IL6R: variants seen among roughly 807,000 people sequenced by gnomAD.
IL6R encodes interleukin-6 receptor subunit alpha.
IL6R carries 38 observed loss-of-function variants against 48.3 expected under a neutral mutation model. That is an observed-to-expected ratio of 0.79 (90% CI 0.61 to 1.03). The LOEUF (loss-of-function observed/expected upper bound fraction) is 1.03, where lower values mean the gene tolerates loss of function less well. Ranked by LOEUF, IL6R falls within the 50% of genes least tolerant of loss-of-function variation. The pLI is 0.00. For synonymous variants in IL6R, 264 were observed against 256.2 expected, an observed-to-expected ratio of 1.03 and a Z score of -0.29; for missense variants, 534 against 618.3, an observed-to-expected ratio of 0.86 and a Z score of 1.45.
At chr1:154,407,327 C>T (rs552966956) in intron 1 of IL6R, among the ~76,000 whole-genome samples, 2 of 152,312 alleles carry the variant, frequency 1.3e-5, no homozygotes, top group East Asian at 3.9e-4. Flanking sequence ...TAGTTGCCAC[C>T]ACCTGTTGCT....
intron 1 of IL6R, among the ~76,000 whole-genome samples, chr1:154,428,577 C>T (rs902648769): frequency 5.3e-5 from 8 of 152,238 alleles, no homozygotes; most frequent in Non-Finnish European, 1.2e-4. Flanking sequence ...ATGGGCCAGG[C>T]AACGTCCCGG....
chr1:154,461,308 C>T (rs1691248761), intron 9 of IL6R, among the ~76,000 whole-genome samples: 1 of 152,168 alleles, frequency 6.6e-6, no homozygotes, highest in Admixed American at 6.6e-5. Flanking sequence ...TGCGGGCAGG[C>T]CTGGATAATA....
rs1553309680 is a variant in IL6R at position 154,447,504 on chromosome 1, T to TATATATACACATAC, written c.950-614_950-613insCACATACATATATA. Among the ~76,000 whole-genome samples the TATATATACACATAC allele has an allele frequency of 8.2e-3, 714 of 87,334 alleles. 52 individuals are homozygous for TATATATACACATAC. The highest frequency in any genetic ancestry group is 0.039 in the African/African-American group (682 of 17,416). The allele number at this position is 87,334 out of a possible 152,430, so 57.3% of individuals were successfully genotyped here. On this transcript the variant is annotated intron_variant, in intron 6 of 9. Transcript: ENST00000368485. ...ACACACACACACACACACACACACA[T>TATATATACACATAC]ATATATATACACACATACATATATA...
chr1:154,414,535 G>A, intron 1 of IL6R: 1 of 775,598 alleles, frequency 1.3e-6, no homozygotes, highest in Admixed American at 2.0e-5. Flanking sequence ...TTTTGGGTGT[G>A]TTGAAGAAGA....
chr1:154,448,386 G>T (rs573650228), intron 7 of IL6R, among the ~76,000 whole-genome samples: 1 of 152,230 alleles, frequency 6.6e-6, no homozygotes, highest in Non-Finnish European at 1.5e-5. Flanking sequence ...CTGGCCTGGC[G>T]TGCAGAACTG....
At chr1:154,433,245 C>T (rs1013682053) in intron 3 of IL6R, among the ~76,000 whole-genome samples, 1 of 152,230 alleles carries the variant, frequency 6.6e-6, no homozygotes, top group Non-Finnish European at 1.5e-5. Flanking sequence ...GAACCCAAGT[C>T]AGAGGTGGCA....
intron 9 of IL6R, among the ~76,000 whole-genome samples, chr1:154,458,410 T>C (rs1691045006): frequency 6.6e-6 from 1 of 152,180 alleles, no homozygotes; most frequent in Non-Finnish European, 1.5e-5. Context: ...CATGTCAGCA[T>C]CCACGGGTTC....
intron 1 of IL6R, among the ~76,000 whole-genome samples, chr1:154,428,741 C>T (rs1043826941): frequency 1.3e-5 from 2 of 151,962 alleles, no homozygotes; most frequent in Admixed American, 6.6e-5. Context: ...GGACCGGAAA[C>T]GATGTTTAGG....
At chr1:154,459,996 G>T (rs1691155778) in intron 9 of IL6R, among the ~76,000 whole-genome samples, 1 of 152,146 alleles carries the variant, frequency 6.6e-6, no homozygotes, top group African/African-American at 2.4e-5. Context: ...GGTGTTCCGG[G>T]CCATGGAGGT....
chr1:154,454,372 G>T, intron 8 of IL6R, 116 bp from the exon 9 acceptor site: 4 of 674,812 alleles, frequency 5.9e-6, no homozygotes, highest in Non-Finnish European at 1.0e-5. Context: ...GGGTTGGAGG[G>T]GAAGGTTCCT....
In IL6R at chr1:154,405,578, C is replaced by T. The variant is rs938877359; in HGVS notation, c.-52C>T. 66 of 1,384,538 alleles carry T rather than the reference C, an allele frequency of 4.8e-5. No individual in the cohort carries two copies. The South Asian group carries it at 6.2e-4, about 13-fold the overall frequency. 85.8% of individuals were successfully genotyped at this position (1,384,538 alleles called of 1,614,324 possible). A position where few individuals can be genotyped will look rare whatever the true frequency, so the allele number is the denominator to read the frequency against. On this transcript the variant is annotated 5_prime_UTR_variant, in exon 1 of 10. Transcript: ENST00000368485. The surrounding 1 kb of genome is among the most constrained non-coding windows in gnomAD (Gnocchi z 5.2). ...CCTGCCACCCCTGCCGCCCGGTTCC[C>T]ATTAGCCTGTCCGCCTCTGCGGGAC...
At chr1:154,435,690 T>C (rs1190596065) in intron 5 of IL6R, among the ~76,000 whole-genome samples, 1 of 152,146 alleles carries the variant, frequency 6.6e-6, no homozygotes, top group Non-Finnish European at 1.5e-5. Flanking sequence ...GGCTTGTCTG[T>C]GAGGAGAGCA....
chr1:154,429,929 T>G (rs1313372273), intron 2 of IL6R, among the ~76,000 whole-genome samples: 2 of 152,110 alleles, frequency 1.3e-5, no homozygotes, highest in Non-Finnish European at 2.9e-5. Flanking sequence ...ATTCTTATTT[T>G]TTTAGAATTA....
chr1:154,434,980 T>C lies in IL6R; in HGVS notation c.641-10T>C. 6.2e-7 allele frequency: 1 copy of C among 1,613,592 alleles called. No individual in the cohort carries two copies. The highest frequency in any genetic ancestry group is 8.5e-7 in the Non-Finnish European group (1 of 1,179,944). On this transcript the variant is annotated splice_polypyrimidine_tract_variant and intron_variant, in intron 4 of 9. Transcript: ENST00000368485. ...GTGCTGCAAAGGAGTCATGCTCACT[T>C]TTCCCACAGTGCAGCCTGATCCGCC... is the stretch of plus-strand genomic sequence containing the variant.
chr1:154,445,158 A>C, intron 6 of IL6R: 1 of 455,736 alleles, frequency 2.2e-6, no homozygotes, highest in South Asian at 1.6e-5. Context: ...ACACGAATAG[A>C]GGAGCAGTGA....
At chr1:154,452,933 C>T (rs1308675457) in intron 8 of IL6R, among the ~76,000 whole-genome samples, 4 of 150,912 alleles carry the variant, frequency 2.7e-5, no homozygotes, top group East Asian at 2.0e-4. Flanking sequence ...GGCCAGGCGC[C>T]GTGGCTCATG....
intron 1 of IL6R, among the ~76,000 whole-genome samples, chr1:154,427,061 G>C (rs1276183472): frequency 6.6e-6 from 1 of 152,134 alleles, no homozygotes; most frequent in Non-Finnish European, 1.5e-5. Context: ...TGGGATTACA[G>C]GAGCCTGCCA....
chr1:154,435,877 A>G, intron 5 of IL6R, 92 bp from the exon 6 acceptor site: 3 of 1,154,446 alleles, frequency 2.6e-6, no homozygotes, highest in South Asian at 1.7e-5. Flanking sequence ...CAGCTGAAGC[A>G]CAGGGCTGGC....
intron 1 of IL6R, among the ~76,000 whole-genome samples, chr1:154,424,661 G>A (rs975938334): frequency 2.0e-5 from 3 of 152,182 alleles, no homozygotes; most frequent in African/African-American, 4.8e-5. Context: ...TAGAAGTGTC[G>A]TTGCATCTTC....
Sources: gnomAD v4.1 joint callset for allele counts (sites outside exome capture counted in the v4.1 genomes callset) on GRCh38, gnomAD v4.1.1 for gene constraint, Gnocchi (gnomAD v3.1) non-coding constraint, MANE v1.5 for transcripts, NCBI Gene and HGNC (gene_info 2026-07-23, HGNC 2026-07-21) for gene names.